Variants in ERCC3 observed in about 807,000 individuals in gnomAD.
ERCC3 encodes the protein ERCC excision repair 3, TFIIH core complex helicase subunit, also known as general transcription and DNA repair factor IIH helicase/translocase subunit XPB.
A neutral mutation model predicts 94.2 loss-of-function variants in ERCC3; 66 were observed. The ratio of observed to expected loss-of-function variants is 0.70; its 90% CI spans 0.57 to 0.86. The LOEUF (loss-of-function observed/expected upper bound fraction) is 0.86, where lower values mean the gene tolerates loss of function less well. Ranked by LOEUF, ERCC3 falls within the 40% of genes least tolerant of loss-of-function variation. The pLI, the probability that ERCC3 is intolerant of heterozygous loss-of-function variation, is 0.00. For missense variants in ERCC3, 829 were observed against 987.1 expected, an observed-to-expected ratio of 0.84 and a Z score of 2.15; for synonymous variants, 349 against 369.1, an observed-to-expected ratio of 0.95 and a Z score of 0.63.
At chr2:127,272,272 G>A (rs13427350) in intron 11 of ERCC3, among the ~76,000 whole-genome samples, 2,183 of 152,054 alleles carry the variant, frequency 0.014, 54 homozygotes, top group African/African-American at 0.05. Flanking sequence ...TGATCCACCC[G>A]CCTCAGCCTC....
chr2:127,258,416 G>T lies in ERCC3; in HGVS notation c.2218-689C>A, dbSNP rs953901237. 1.3e-5 allele frequency among the ~76,000 whole-genome samples: 2 copies of T among 152,152 alleles called. No homozygotes were observed. The highest frequency in any genetic ancestry group is 2.9e-5 in the Non-Finnish European group (2 of 68,040). ...CCTCAATGACCTCATCTGTAAAATG[G>T]GGATAACCACATCAGTGCTGACATT... On this transcript the variant is annotated intron_variant, in intron 14 of 14. Transcript: ENST00000285398. This position sits in a 1 kb window ranked among gnomAD's most constrained non-coding sequence, Gnocchi z 4.1.
At position 127,289,839 on chromosome 2, in the gene ERCC3, G is replaced by A. The variant is rs766593222; in HGVS notation, c.522-15C>T. The A allele has an allele frequency of 1.2e-6, 2 of 1,614,032 alleles. No individual in the cohort carries two copies. The highest frequency in any genetic ancestry group is 2.2e-5 in the South Asian group (2 of 91,062). On this transcript the variant is annotated splice_polypyrimidine_tract_variant and intron_variant, in intron 4 of 14. Transcript: ENST00000285398. Reference sequence around the variant, plus strand: ...CAACGAAGTATCTGCAAGCAGGGGAGGAAGAAGGGGTCTACTGACCAGCAG... The same window carrying A: ...CAACGAAGTATCTGCAAGCAGGGGAAGAAGAAGGGGTCTACTGACCAGCAG...
Position 127,284,116 on chromosome 2 carries a change from A to G in ERCC3, c.1342+2587T>C, listed in dbSNP as rs4150437. 5,681 of 152,356 alleles carry G rather than the reference A, an allele frequency of 0.037. 142 individuals carry two copies. The highest frequency in any genetic ancestry group is 0.065 in the Middle Eastern group (19 of 294). 9.4% of individuals were successfully genotyped at this position (152,356 alleles called of 1,614,324 possible). On this transcript the variant is annotated intron_variant, in intron 8 of 14. Transcript: ENST00000285398. The surrounding 1 kb of genome is among the most constrained non-coding windows in gnomAD (Gnocchi z 4.1). ...CCTGACCTGTCAATTAAAGCTTCAC[A>G]ACATATCCAGAGTCGGATCACGCCT...
intron 7 of ERCC3, 85 bp from the exon 8 acceptor site, chr2:127,287,102 A>G: frequency 9.8e-7 from 1 of 1,025,392 alleles, no homozygotes; most frequent in Non-Finnish European, 1.5e-6. Context: ...AAGTACAGCA[A>G]TCTAGGAAAA....
chr2:127,278,858 C>T (rs1684817409), intron 10 of ERCC3, among the ~76,000 whole-genome samples: 1 of 152,224 alleles, frequency 6.6e-6, no homozygotes, highest in Non-Finnish European at 1.5e-5. Context: ...CAGCCCAAAG[C>T]TCCAAATGCC....
At chr2:127,276,592 T>G (rs571355188) in intron 10 of ERCC3, among the ~76,000 whole-genome samples, 1 of 151,172 alleles carries the variant, frequency 6.6e-6, no homozygotes, top group South Asian at 2.1e-4. Context: ...GATAAAAAAG[T>G]AGAAAAAAGA....
chr2:127,281,329 G>A (rs1246493059), intron 8 of ERCC3, among the ~76,000 whole-genome samples: 11 of 152,126 alleles, frequency 7.2e-5, no homozygotes, highest in Admixed American at 7.2e-4. Context: ...CCTCCGGCCC[G>A]CCTTAGGAAA....
Position 127,271,599 on chromosome 2 carries a change from G to A in ERCC3, c.1828-146C>T, listed in dbSNP as rs763312132. On this transcript the variant is annotated intron_variant, in intron 11 of 14. Transcript: ENST00000285398. The surrounding 1 kb of genome is among the most constrained non-coding windows in gnomAD (Gnocchi z 5.0). ...CCAGGGTCTATCTGATGCAGGCAGA[G>A]AGAGGTGAAGCAATAAACCTCAGAA... The A allele has an allele frequency of 7.3e-4, 504 of 686,428 alleles. 1 individual carries two copies. The highest frequency in any genetic ancestry group is 1.1e-3 in the Admixed American group (47 of 43,732). 42.5% of individuals were successfully genotyped at this position (686,428 alleles called of 1,614,324 possible).
chr2:127,261,745 G>T, intron 12 of ERCC3: 1 of 272,134 alleles, frequency 3.7e-6, no homozygotes, highest in Non-Finnish European at 7.1e-6. Context: ...TTAATCACCA[G>T]GGAAATGCAA....
intron 12 of ERCC3, among the ~76,000 whole-genome samples, chr2:127,267,096 A>T (rs1002312678): frequency 6.6e-6 from 1 of 152,190 alleles, no homozygotes; most frequent in African/African-American, 2.4e-5. Flanking sequence ...AATTATGTAG[A>T]TGCCTATTAG....
intron 10 of ERCC3, among the ~76,000 whole-genome samples, chr2:127,275,125 G>A (rs1251611099): frequency 2.6e-5 from 4 of 152,178 alleles, no homozygotes; most frequent in Admixed American, 2.6e-4. Context: ...TATGAAGGCT[G>A]GGAGGAGCCA....
chr2:127,294,029 TGAGCG>T lies in ERCC3; in HGVS notation c.28+20_28+24del. 1 of 1,603,550 alleles carries T rather than the reference TGAGCG, an allele frequency of 6.2e-7. No individual in the cohort carries two copies. The highest frequency in any genetic ancestry group is 1.3e-5 in the African/African-American group (1 of 74,962). On this transcript the variant is annotated intron_variant, in intron 1 of 14. Transcript: ENST00000285398. Reference sequence around the variant, plus strand: ...CAGGGCCGGCAAGGGCAGTCGTGGCTGAGCGTGCCCGCGCAACGTCTCACCGCGGT... The same window carrying T: ...CAGGGCCGGCAAGGGCAGTCGTGGCTTGCCCGCGCAACGTCTCACCGCGGT...
Position 127,280,405 on chromosome 2 carries a change from A to C in ERCC3, c.1527+42T>G. 6.4e-7 allele frequency: 1 copy of C among 1,564,280 alleles called. No individual in the cohort carries two copies. The highest frequency in any genetic ancestry group is 8.7e-7 in the Non-Finnish European group (1 of 1,145,060). On this transcript the variant is annotated intron_variant, in intron 9 of 14. Coordinates refer to ENST00000285398, the MANE Select transcript of ERCC3 (RefSeq NM_000122.2). The surrounding 1 kb of genome is among the most constrained non-coding windows in gnomAD (Gnocchi z 6.3). ...ATCTGATCACTCCCCTGCCCATAGG[A>C]GGAGGCCCTTTCCCAGACGCCCCCA...
rs1297383573 is a variant in ERCC3, at chr2:127,291,178, C to T, written c.472-905G>A. On this transcript the variant is annotated intron_variant, in intron 3 of 14. Coordinates refer to ENST00000285398, the MANE Select transcript of ERCC3 (RefSeq NM_000122.2). The surrounding 1 kb of genome is among the most constrained non-coding windows in gnomAD (Gnocchi z 4.9). ...CACCACTACAGTGCACCAACACCTA[C>T]ATCCCTGCAGGCAATTCGCAGCCAA... is the stretch of plus-strand genomic sequence containing the variant. Among the ~76,000 whole-genome samples, 1 of 152,218 alleles carries T rather than the reference C, an allele frequency of 6.6e-6. No individual in the cohort carries two copies. Among genetic ancestry groups the T allele is most frequent in the Admixed American group, 6.5e-5 (1 of 15,284 alleles).
chr2:127,270,344 C>G (rs1393334650), intron 12 of ERCC3, among the ~76,000 whole-genome samples: 1 of 152,144 alleles, frequency 6.6e-6, no homozygotes, highest in Non-Finnish European at 1.5e-5. Flanking sequence ...CATTTTATGA[C>G]TTATAAGCTG....
At chr2:127,275,902 C>T (rs910852847) in intron 10 of ERCC3, among the ~76,000 whole-genome samples, 2 of 152,098 alleles carry the variant, frequency 1.3e-5, no homozygotes, top group Non-Finnish European at 2.9e-5. Flanking sequence ...ATACAAAACC[C>T]GCCGCCTCTG....
At chr2:127,275,281 TG>T (rs1456865921) in intron 10 of ERCC3, among the ~76,000 whole-genome samples, 8 of 152,068 alleles carry the variant, frequency 5.3e-5, no homozygotes, top group South Asian at 2.1e-4. Flanking sequence ...CTTTCTGCCT[TG>T]GCCCCCCAAA....
intron 8 of ERCC3, among the ~76,000 whole-genome samples, chr2:127,286,030 T>C (rs573481291): frequency 9.9e-5 from 15 of 152,252 alleles, no homozygotes; most frequent in African/African-American, 3.4e-4. Flanking sequence ...GGGCTTCTAT[T>C]ACATATTGAC....
At position 127,261,349 on chromosome 2, in the gene ERCC3, G is replaced by T. The variant is rs986610684; in HGVS notation, c.1946-3C>A. ...ATTGTACTCTTCTGCAACCATCCCT[G>T]CAGGAAAAAATGAGAAACGGCAATA... On this transcript the variant is annotated splice_polypyrimidine_tract_variant and splice_region_variant and intron_variant, in intron 12 of 14. Coordinates refer to ENST00000285398, the MANE Select transcript of ERCC3 (RefSeq NM_000122.2). 7 of 1,561,232 alleles carry T rather than the reference G, an allele frequency of 4.5e-6. No individual in the cohort carries two copies. The African/African-American group carries it at 8.1e-5, about 18-fold the overall frequency.
Sources: gnomAD v4.1 joint callset for allele counts (sites outside exome capture counted in the v4.1 genomes callset) on GRCh38, gnomAD v4.1.1 for gene constraint, Gnocchi (gnomAD v3.1) non-coding constraint, MANE v1.5 for transcripts, NCBI Gene and HGNC (gene_info 2026-07-23, HGNC 2026-07-21) for gene names.